Variants in RANBP2 observed in about 807,000 individuals in gnomAD.
RANBP2 encodes E3 SUMO-protein ligase RanBP2.
RANBP2 carries 57 observed loss-of-function variants against 303.6 expected under a neutral mutation model. The ratio of observed to expected loss-of-function variants is 0.19; its 90% CI spans 0.15 to 0.23. The LOEUF (loss-of-function observed/expected upper bound fraction) is 0.23, where lower values mean the gene tolerates loss of function less well. Ranked by LOEUF, RANBP2 falls within the 10% of genes least tolerant of loss-of-function variation. The pLI, the probability that RANBP2 is intolerant of heterozygous loss-of-function variation, is 1.00. For missense variants in RANBP2, 3,138 were observed against 3,780.8 expected, an observed-to-expected ratio of 0.83 and a Z score of 4.46; for synonymous variants, 1,167 against 1,301.5, an observed-to-expected ratio of 0.90 and a Z score of 2.23.
the RANBP2 span, among the ~76,000 whole-genome samples, chr2:109,435,559 G>A: frequency 6.6e-6 from 1 of 152,186 alleles, no homozygotes; most frequent in African/African-American, 2.4e-5. Context: ...AAAACCTGGT[G>A]TGGGAGCAGG....
the RANBP2 span, among the ~76,000 whole-genome samples, chr2:109,695,852 CCA>C: frequency 6.6e-6 from 1 of 152,046 alleles, no homozygotes. Flanking sequence ...TGTTGTTAGG[CCA>C]CAGTTTTCTC....
At chr2:109,053,443 G>A in the RANBP2 span, among the ~76,000 whole-genome samples, 1 of 152,184 alleles carries the variant, frequency 6.6e-6, no homozygotes, top group Non-Finnish European at 1.5e-5. Context: ...CATAGAAACA[G>A]AACATCCAGC....
chr2:108,864,207 A>G, the RANBP2 span, among the ~76,000 whole-genome samples: 2 of 152,244 alleles, frequency 1.3e-5, no homozygotes, highest in Non-Finnish European at 1.5e-5. Context: ...ATAAAATCTA[A>G]CCCACCAATT....
At chr2:109,079,847 C>G in the RANBP2 span, among the ~76,000 whole-genome samples, 1 of 152,168 alleles carries the variant, frequency 6.6e-6, no homozygotes, top group East Asian at 1.9e-4. Context: ...GAACTCCAGG[C>G]AGAGGGGAGG....
At chr2:109,025,426 T>C in the RANBP2 span, among the ~76,000 whole-genome samples, 1 of 152,220 alleles carries the variant, frequency 6.6e-6, no homozygotes, top group Non-Finnish European at 1.5e-5. Context: ...ATATAATGGG[T>C]TAGCAGAGTA....
chr2:108,792,348 A>T, the RANBP2 span, among the ~76,000 whole-genome samples: 2 of 152,130 alleles, frequency 1.3e-5, no homozygotes, highest in Non-Finnish European at 2.9e-5. Context: ...TATTCTCATC[A>T]TTTGAGGAAG....
the RANBP2 span, among the ~76,000 whole-genome samples, chr2:108,845,090 AG>A: frequency 2.0e-5 from 3 of 152,016 alleles, no homozygotes; most frequent in Non-Finnish European, 4.4e-5. Context: ...AAAGTGTAGT[AG>A]TAAAGCATTA....
the RANBP2 span, chr2:109,614,104 G>C: frequency 3.3e-6 from 4 of 1,209,998 alleles, no homozygotes; most frequent in South Asian, 1.7e-4. Flanking sequence ...GAGCGTCAGC[G>C]TTGGGGCGGG....
the RANBP2 span, among the ~76,000 whole-genome samples, chr2:109,470,986 G>A: frequency 9.2e-5 from 14 of 152,118 alleles, no homozygotes; most frequent in African/African-American, 3.1e-4. Context: ...TTGAGAGGCC[G>A]AGGAGGGCAG....
Position 108,763,987 on chromosome 2 carries a change from G to A in RANBP2, c.3448G>A (p.Ala1150Thr), listed in dbSNP as rs377081697. ...SVFGTPTLET[A>T]NKNHETDGGS... Reference sequence around the variant, plus strand: ...ATTTGGAACACCCACTTTAGAGACAGCAAACAAGAATCATGAGACAGATGG... The same window carrying A: ...ATTTGGAACACCCACTTTAGAGACAACAAACAAGAATCATGAGACAGATGG... Residue 1150 changes from alanine (A) to threonine (T), a missense_variant, in exon 20 of 29, where the codon GCA becomes ACA. Around this residue, in one of 20 missense-constraint regions of RANBP2, gnomAD observed 403 missense variants for 376.7 expected, o/e 1.07. Transcript: ENST00000283195. 3.8e-5 allele frequency: 61 copies of A among 1,613,902 alleles called. No homozygotes were observed. The highest frequency in any genetic ancestry group is 5.0e-5 in the Non-Finnish European group (59 of 1,179,878).
At chr2:109,316,161 G>A in the RANBP2 span, among the ~76,000 whole-genome samples, 1 of 152,328 alleles carries the variant, frequency 6.6e-6, no homozygotes, top group African/African-American at 2.4e-5. Context: ...GGTGTTCAGA[G>A]CTGGTTTTGC....
the RANBP2 span, among the ~76,000 whole-genome samples, chr2:108,914,207 CCGAGA>C: frequency 6.6e-6 from 1 of 151,726 alleles, no homozygotes; most frequent in Non-Finnish European, 1.5e-5. Flanking sequence ...TTGCAGTGAG[CCGAGA>C]TCACACCACT....
chr2:109,668,397 C>T, the RANBP2 span, among the ~76,000 whole-genome samples: 1 of 152,078 alleles, frequency 6.6e-6, no homozygotes, highest in Non-Finnish European at 1.5e-5. Context: ...ACAATAAAAT[C>T]ATCACCTCAA....
chr2:108,794,800 T>C, the RANBP2 span: 2 of 1,054,448 alleles, frequency 1.9e-6, no homozygotes, highest in Non-Finnish European at 2.7e-6. Context: ...TTGAATATAA[T>C]ATATTTCATT....
the RANBP2 span, among the ~76,000 whole-genome samples, chr2:109,028,607 C>G: frequency 4.6e-5 from 7 of 152,192 alleles, no homozygotes; most frequent in Non-Finnish European, 8.8e-5. Flanking sequence ...CCTAAGCATC[C>G]GATCCCAACA....
chr2:109,134,855 G>C, the RANBP2 span, among the ~76,000 whole-genome samples: 5 of 152,180 alleles, frequency 3.3e-5, no homozygotes, highest in Non-Finnish European at 7.3e-5. Flanking sequence ...AGAGTGCACA[G>C]AGCAGTGTGG....
chr2:109,077,249 A>G, the RANBP2 span, among the ~76,000 whole-genome samples: 70,158 of 149,912 alleles, frequency 0.47, 18,399 homozygotes, highest in Non-Finnish European at 0.5. Context: ...ATGGATTAAA[A>G]ACTTAAATGT....
At chr2:109,547,564 G>C in the RANBP2 span, among the ~76,000 whole-genome samples, 2 of 152,118 alleles carry the variant, frequency 1.3e-5, no homozygotes, top group East Asian at 3.9e-4. Flanking sequence ...AAATCATCTT[G>C]ATAAACCATA....
chr2:108,781,712 A>G (rs959283930), intron 26 of RANBP2, among the ~76,000 whole-genome samples: 1 of 152,182 alleles, frequency 6.6e-6, no homozygotes. Context: ...TTCTGGGGAA[A>G]AATTAACCTC....
Sources: allele counts gnomAD v4.1 joint callset (sites outside exome capture counted in the v4.1 genomes callset), GRCh38; gene constraint gnomAD v4.1.1; regional missense constraint gnomAD v4.1.1; transcripts MANE v1.5; gene names NCBI Gene and HGNC (gene_info 2026-07-23, HGNC 2026-07-21).